The following RUFY4 variants were observed in gnomAD, a reference collection of about 807,000 sequenced individuals.
The protein encoded by RUFY4 is RUN and FYVE domain-containing protein 4.
A neutral mutation model predicts 69.0 loss-of-function variants in RUFY4; 73 were observed. That is an observed-to-expected ratio of 1.06 (90% CI 0.88 to 1.29). The LOEUF is 1.29. Ranked by LOEUF, RUFY4 falls within the 50% of genes most tolerant of loss-of-function variation. RUFY4 has a pLI of 0.00. For missense variants in RUFY4, 770 were observed against 705.6 expected (o/e 1.09, Z -1.03); for synonymous variants, 287 against 271.8 (o/e 1.06, Z -0.55).
At chr2:218,081,514 A>G (rs1315487973) in intron 8 of RUFY4, among the ~76,000 whole-genome samples, 1 of 152,098 alleles carries the variant, frequency 6.6e-6, no homozygotes, top group African/African-American at 2.4e-5. Flanking sequence ...CCCTGCCCCA[A>G]ACACTGTAAG....
chr2:218,079,193 G>A (rs1689704159), intron 8 of RUFY4, among the ~76,000 whole-genome samples: 1 of 152,124 alleles, frequency 6.6e-6, no homozygotes, highest in Non-Finnish European at 1.5e-5. Context: ...AAGGCCCCTT[G>A]GAGCTGGCCT....
At chr2:218,050,213 C>T (rs552931200) in intron 2 of RUFY4, among the ~76,000 whole-genome samples, 72 of 152,302 alleles carry the variant, frequency 4.7e-4, no homozygotes, top group African/African-American at 1.1e-3. Flanking sequence ...TTTCAGTGTC[C>T]GCTCCTGCAG....
intron 3 of RUFY4, chr2:218,060,065 C>CG: frequency 3.9e-6 from 1 of 254,750 alleles, no homozygotes; most frequent in South Asian, 1.6e-4. Flanking sequence ...TGTAGATTTT[C>CG]ACTTCTTAGA....
In RUFY4 at chr2:218,073,896, C is replaced by A. The variant is rs1689557884; in HGVS notation, c.600+11C>A. ...GATGCCCCAAAGAAGGTGCCTCTGC[C>A]CTGCCTTCACTCTGAGTTGCCTCTT... On this transcript the variant is annotated intron_variant, in intron 6 of 10. Transcript: ENST00000344321. 2 of 1,613,460 alleles carry A rather than the reference C, an allele frequency of 1.2e-6. No individual in the cohort carries two copies. The highest frequency in any genetic ancestry group is 1.7e-6 in the Non-Finnish European group (2 of 1,179,632).
chr2:218,061,929 C>G (rs557916370), intron 3 of RUFY4, among the ~76,000 whole-genome samples: 9 of 152,234 alleles, frequency 5.9e-5, no homozygotes, highest in East Asian at 5.8e-4. Context: ...CTTTGTGCAC[C>G]CTTCTGAAAG....
chr2:218,060,082 AGTGCC>A, intron 3 of RUFY4: 2 of 292,202 alleles, frequency 6.8e-6, no homozygotes, highest in South Asian at 1.3e-4. Context: ...TAGAACATAG[AGTGCC>A]ATGAGCTCAA....
At chr2:218,075,018 T>C (rs1052207044) in intron 6 of RUFY4, 75 bp from the exon 9 acceptor site, 1 of 1,396,632 alleles carries the variant, frequency 7.2e-7, no homozygotes, top group African/African-American at 1.5e-5. Context: ...AGATTAGCAC[T>C]GTGGCCTAAT....
chr2:218,089,925 C>G (rs1689991340), intron 10 of RUFY4, 27 bp from the exon 13 acceptor site: 3 of 1,523,708 alleles, frequency 2.0e-6, no homozygotes, highest in Admixed American at 2.0e-5. Flanking sequence ...AGAGGCCGCC[C>G]CAGGCTTTCC....
intron 2 of RUFY4, among the ~76,000 whole-genome samples, chr2:218,040,627 C>T (rs1196138950): frequency 6.6e-6 from 1 of 152,146 alleles, no homozygotes; most frequent in Non-Finnish European, 1.5e-5. Context: ...ACAGCCTCTT[C>T]CTCCCCTCTT....
intron 2 of RUFY4, among the ~76,000 whole-genome samples, chr2:218,041,811 C>A (rs1182233110): frequency 6.6e-6 from 1 of 152,196 alleles, no homozygotes; most frequent in Non-Finnish European, 1.5e-5. Flanking sequence ...GTTTTGTCTT[C>A]TCAGGGATTC....
chr2:218,060,234 G>C (rs955709132), intron 3 of RUFY4: 7 of 1,091,664 alleles, frequency 6.4e-6, no homozygotes, highest in African/African-American at 4.7e-5. Flanking sequence ...CACAGTGGGG[G>C]CTGCACTGAC....
chr2:218,068,227 A>G (rs145080287), upstream of RUFY4, among the ~76,000 whole-genome samples: 2,135 of 35,022 alleles, frequency 0.061, no homozygotes, highest in South Asian at 0.093. Context: ...GCAGGGGGTT[A>G]GAGGAGGGCA....
exon 6 of RUFY4, chr2:218,073,854 G>A: frequency 6.2e-7 from 1 of 1,613,928 alleles, no homozygotes; most frequent in South Asian, 1.1e-5. Flanking sequence ...CAGGGAAGGA[G>A]ACCCAGAAAA....
intron 9 of RUFY4, among the ~76,000 whole-genome samples, chr2:218,086,698 A>G (rs1173524131): frequency 6.6e-6 from 1 of 152,206 alleles, no homozygotes; most frequent in African/African-American, 2.4e-5. Flanking sequence ...AAAACAAGGA[A>G]GTAAGCCAAG....
intron 8 of RUFY4, among the ~76,000 whole-genome samples, chr2:218,082,792 A>T (rs13013361): frequency 0.61 from 91,712 of 150,574 alleles, 28,863 homozygotes; most frequent in African/African-American, 0.78. Flanking sequence ...GTGTGCGTTA[A>T]GTCTGTTGAG....
upstream of RUFY4, chr2:218,068,520 GT>G: frequency 6.5e-6 from 1 of 153,018 alleles, no homozygotes; most frequent in Non-Finnish European, 1.5e-5. Flanking sequence ...CCTTGTGCTG[GT>G]TTTTAGATGC....
At chr2:218,060,061 T>TC in intron 3 of RUFY4, 1 of 273,044 alleles carries the variant, frequency 3.7e-6, no homozygotes, top group Admixed American at 4.8e-5. Context: ...GGAGTGTAGA[T>TC]TTTCACTTCT....
chr2:218,060,927 A>G (rs1689171206), intron 3 of RUFY4: 2 of 945,852 alleles, frequency 2.1e-6, no homozygotes, highest in South Asian at 1.3e-5. Context: ...ACCCAGACAT[A>G]TGAACTTGAC....
rs1265464909 is a variant in RUFY4 at position 218,089,938 on chromosome 2, C to A, written c.1614-14C>A. The A allele has an allele frequency of 6.5e-6, 10 of 1,549,120 alleles. No individual in the cohort carries two copies. The highest frequency in any genetic ancestry group is 3.3e-4 in the Middle Eastern group (2 of 5,992). Reference sequence around the variant, plus strand: ...GCAGAGGCCGCCCCAGGCTTTCCTGCCTCTGCCTTCCAGGCTCTGTGGAGG... The same window carrying A: ...GCAGAGGCCGCCCCAGGCTTTCCTGACTCTGCCTTCCAGGCTCTGTGGAGG... On this transcript the variant is annotated splice_polypyrimidine_tract_variant and intron_variant, in intron 10 of 10. Coordinates refer to ENST00000344321, the Ensembl canonical transcript of RUFY4.
Sources: gnomAD v4.1 joint callset for allele counts (sites outside exome capture counted in the v4.1 genomes callset) on GRCh38, gnomAD v4.1.1 for gene constraint, MANE v1.5 for transcripts, NCBI Gene and HGNC (gene_info 2026-07-23, HGNC 2026-07-21) for gene names.